Variants in NCAM2 observed in about 807,000 individuals in gnomAD.
The protein encoded by NCAM2 is N-CAM-2.
Under a neutral mutation model 98.1 loss-of-function variants are expected in NCAM2, and 30 were observed. The observed-to-expected ratio is 0.31, with a 90% CI of 0.23 to 0.41. The LOEUF (loss-of-function observed/expected upper bound fraction) is 0.41, where lower values mean the gene tolerates loss of function less well. NCAM2 is among the 10% of genes least tolerant of loss of function. NCAM2 has a pLI of 1.00. For missense variants in NCAM2, 867 were observed against 1,005.8 expected, an observed-to-expected ratio of 0.86 and a Z score of 1.87; for synonymous variants, 368 against 342.4, an observed-to-expected ratio of 1.07 and a Z score of -0.83.
chr21:21,476,765 A>G (rs1261997564), intron 14 of NCAM2, among the ~76,000 whole-genome samples: 1 of 152,040 alleles, frequency 6.6e-6, no homozygotes. Flanking sequence ...TTTGTATATT[A>G]TTTTATGTCA....
chr21:21,177,996 A>AT (rs1332830476), intron 1 of NCAM2, among the ~76,000 whole-genome samples: 1 of 152,118 alleles, frequency 6.6e-6, no homozygotes, highest in Admixed American at 6.6e-5. Flanking sequence ...CAGTTTATAT[A>AT]TTTTTATATT....
chr21:21,495,543 G>A (rs547777929), intron 15 of NCAM2, among the ~76,000 whole-genome samples: 152 of 152,052 alleles, frequency 1.0e-3, no homozygotes, highest in Middle Eastern at 3.4e-3. Flanking sequence ...ACAATTTCTA[G>A]TTTGTTTTTG....
intron 16 of NCAM2, among the ~76,000 whole-genome samples, chr21:21,515,562 T>C (rs1988664674): frequency 6.7e-6 from 1 of 150,266 alleles, no homozygotes; most frequent in Non-Finnish European, 1.5e-5. Context: ...AGATATTATC[T>C]CTAATGTACT....
At chr21:21,534,492 C>T in intron 16 of NCAM2, 45 bp from the exon 17 acceptor site, 6 of 1,416,634 alleles carry the variant, frequency 4.2e-6, no homozygotes, top group Non-Finnish European at 5.6e-6. Flanking sequence ...ATAATGCATC[C>T]ATTTTTAAAT....
chr21:21,262,780 AT>A (rs2071968416), intron 1 of NCAM2, among the ~76,000 whole-genome samples: 1 of 152,094 alleles, frequency 6.6e-6, no homozygotes. Flanking sequence ...AAATAAAGAT[AT>A]TTAATGGACT....
intron 1 of NCAM2, among the ~76,000 whole-genome samples, chr21:21,142,545 A>T (rs1601483391): frequency 6.6e-6 from 1 of 151,056 alleles, no homozygotes; most frequent in Admixed American, 6.6e-5. Flanking sequence ...GGCCTGGCTA[A>T]TTTTTTTGTA....
At chr21:21,160,425 A>G (rs530806924) in intron 1 of NCAM2, among the ~76,000 whole-genome samples, 1 of 152,170 alleles carries the variant, frequency 6.6e-6, no homozygotes, top group African/African-American at 2.4e-5. Context: ...TTTGTGTTGT[A>G]TTACAACTAA....
At chr21:21,224,378 C>G (rs1228297054) in intron 1 of NCAM2, among the ~76,000 whole-genome samples, 1 of 152,078 alleles carries the variant, frequency 6.6e-6, no homozygotes, top group East Asian at 1.9e-4. Context: ...TTAAAGATAA[C>G]CCAGGTAGAA....
chr21:21,108,433 A>G (rs530277595), intron 1 of NCAM2, among the ~76,000 whole-genome samples: 1 of 152,266 alleles, frequency 6.6e-6, no homozygotes, highest in East Asian at 1.9e-4. Flanking sequence ...AAGCTGTCAC[A>G]CTACCATCCA....
chr21:21,176,950 A>G (rs1260247086), intron 1 of NCAM2, among the ~76,000 whole-genome samples: 2 of 152,022 alleles, frequency 1.3e-5, no homozygotes, highest in African/African-American at 2.4e-5. Context: ...TATTATAACC[A>G]AAAATTACAC....
At chr21:21,323,395 G>T (rs1386198319) in intron 5 of NCAM2, among the ~76,000 whole-genome samples, 2 of 152,110 alleles carry the variant, frequency 1.3e-5, no homozygotes, top group African/African-American at 4.8e-5. Flanking sequence ...ATCAATGGAG[G>T]TAATGTGGCA....
intron 1 of NCAM2, among the ~76,000 whole-genome samples, chr21:21,007,998 A>G (rs2064141585): frequency 6.6e-6 from 1 of 152,126 alleles, no homozygotes; most frequent in South Asian, 2.1e-4. Flanking sequence ...TCTGATTATC[A>G]TTCTCTACTA....
chr21:21,518,441 G>A (rs1402907919), intron 16 of NCAM2, among the ~76,000 whole-genome samples: 1 of 151,988 alleles, frequency 6.6e-6, no homozygotes, highest in African/African-American at 2.4e-5. Context: ...TAAATACAGT[G>A]GAATCAATTC....
At chr21:21,486,303 C>CAAAAAAAAAAAAAAAAAAAAA (rs67182493) in intron 15 of NCAM2, among the ~76,000 whole-genome samples, 1 of 52,254 alleles carries the variant, frequency 1.9e-5, no homozygotes, top group African/African-American at 8.4e-5. Flanking sequence ...GACTCCGTCT[C>CAAAAAAAAAAAAAAAAAAAAA]AAAAAAAAAA....
chr21:21,246,083 T>C (rs117929348), intron 1 of NCAM2, among the ~76,000 whole-genome samples: 3,879 of 152,316 alleles, frequency 0.025, 69 homozygotes, highest in Admixed American at 0.051. Context: ...AGACTAGTGA[T>C]AAAAGGTACT....
At chr21:21,234,529 C>T (rs910673206) in intron 1 of NCAM2, among the ~76,000 whole-genome samples, 1 of 151,796 alleles carries the variant, frequency 6.6e-6, no homozygotes, top group African/African-American at 2.4e-5. Context: ...GTTGAAGTAT[C>T]GATTTATTTC....
chr21:21,527,503 C>T (rs1262789346), intron 16 of NCAM2, among the ~76,000 whole-genome samples: 1 of 151,994 alleles, frequency 6.6e-6, no homozygotes, highest in Non-Finnish European at 1.5e-5. Context: ...TTCTTAAACT[C>T]TATATAATAA....
chr21:21,478,812 T>C (rs1009475201), intron 15 of NCAM2, among the ~76,000 whole-genome samples: 2 of 152,150 alleles, frequency 1.3e-5, no homozygotes, highest in African/African-American at 2.4e-5. Context: ...TTTACAAATA[T>C]GATTTTAAGA....
intron 1 of NCAM2, among the ~76,000 whole-genome samples, chr21:21,235,383 A>C (rs1007545759): frequency 3.3e-5 from 5 of 152,058 alleles, no homozygotes; most frequent in Admixed American, 3.3e-4. Flanking sequence ...TGATTAAATA[A>C]TATCAAATTT....
Sources: allele counts gnomAD v4.1 joint callset (sites outside exome capture counted in the v4.1 genomes callset), GRCh38; gene constraint gnomAD v4.1.1; transcripts MANE v1.5; gene names NCBI Gene and HGNC (gene_info 2026-07-23, HGNC 2026-07-21).